The following TSC2 variants were observed in gnomAD, a reference collection of about 807,000 sequenced individuals.
The protein encoded by TSC2 is TSC complex subunit 2.
In TSC2, 29 loss-of-function variants were observed where a neutral mutation model predicts 202.2. The ratio of observed to expected loss-of-function variants is 0.14; its 90% confidence interval spans 0.11 to 0.20. The LOEUF is 0.20. Ranked by LOEUF, TSC2 falls within the 10% of genes least tolerant of loss-of-function variation. The probability of loss-of-function intolerance (pLI) is 1.00; values close to 1 mark genes in which losing one functional copy is unlikely to be tolerated. For synonymous variants in TSC2, 1,349 were observed against 1,044.0 expected (o/e 1.29, Z -5.63); for missense variants, 2,429 against 2,420.0 (o/e 1.00, Z -0.08).
chr16:2,084,202 G>T (rs1439681290), intron 33 of TSC2, 26 bp from the exon 34 acceptor site: 3 of 1,560,890 alleles, frequency 1.9e-6, no homozygotes, highest in South Asian at 1.2e-5. Context: ...GCTGACAGGG[G>T]TTCTCTTTGG....
At position 2,060,538 on chromosome 16, in the gene TSC2, C is replaced by G. The variant is rs373940439; in HGVS notation, c.976-132C>G. 10 of 1,481,660 alleles carry G rather than the reference C, an allele frequency of 6.7e-6. No homozygotes were observed. The African/African-American group carries it at 1.2e-4, about 18-fold the overall frequency. The allele number at this position is 1,481,660 out of a possible 1,614,324, so 91.8% of individuals were successfully genotyped here. On this transcript the variant is annotated intron_variant, in intron 10 of 41. Transcript: ENST00000219476. ...CTGGGCGCCCCACCTGCTGTTTCTG[C>G]GGCCCCTGATAAACGTGTGGTGGGC...
chr16:2,085,049 G>T, intron 35 of TSC2, 23 bp downstream of exon 35: 2 of 1,612,808 alleles, frequency 1.2e-6, no homozygotes, highest in Non-Finnish European at 1.7e-6. Flanking sequence ...TCCCTCTCCT[G>T]CATCCGCTGG....
rs376734223 is a variant in TSC2, at chr16:2,064,231, C to T, written c.1444-41C>T. On this transcript the variant is annotated intron_variant, in intron 14 of 41. Coordinates refer to ENST00000219476, the MANE Select transcript of TSC2 (RefSeq NM_000548.5). ...TGGAAGTGTCACGAGATGTGGCCCT[C>T]GTTGGGCTGGCGCTCATTGGCCTCC... is the stretch of plus-strand genomic sequence containing the variant. 21 of 1,613,524 alleles carry T rather than the reference C, an allele frequency of 1.3e-5. No homozygotes were observed. The African/African-American group carries it at 2.1e-4, about 16-fold the overall frequency.
intron 30 of TSC2, chr16:2,081,120 C>T: frequency 3.9e-6 from 1 of 258,850 alleles, no homozygotes; most frequent in Middle Eastern, 1.5e-3. Flanking sequence ...ACCCAGTCTC[C>T]AGAGACAGTC....
In TSC2 at chr16:2,088,072, G is replaced by A. The variant is rs1267700080; in HGVS notation, c.5093G>A (p.Ser1698Asn). The A allele has an allele frequency of 6.2e-7, 1 of 1,612,804 alleles. No individual in the cohort carries two copies. The highest frequency in any genetic ancestry group is 2.2e-5 in the East Asian group (1 of 44,894). ...RKDMEGLVDT[S>N]VAKIVSDRNL... Reference sequence around the variant, plus strand: ...GACATGGAGGGCCTTGTGGACACCAGCGTGGCCAAGATCGTGTCTGACCGC... The same window carrying A: ...GACATGGAGGGCCTTGTGGACACCAACGTGGCCAAGATCGTGTCTGACCGC... Residue 1698 changes from serine to asparagine, a missense_variant, in exon 40 of 42, where the codon AGC (serine) becomes AAC (asparagine). Physicochemically the swap from Ser to Asn is conservative, Grantham distance 46 (BLOSUM62 1). Transcript: ENST00000219476.
rs137854048 is a variant in TSC2, at chr16:2,088,145, T to TG, written c.5160+11dup. 5 of 1,612,776 alleles carry TG rather than the reference T, an allele frequency of 3.1e-6. No homozygotes were observed. Among genetic ancestry groups the TG allele is most frequent in the Middle Eastern group, 1.6e-4 (1 of 6,062 alleles). On this transcript the variant is annotated splice_region_variant and intron_variant, in intron 40 of 41. Coordinates refer to ENST00000219476, the MANE Select transcript of TSC2 (RefSeq NM_000548.5). ...AGATGGCCCTGCACGCAAATGTGAGTGGGGGTGGGTCCAGGCGTGAGCTGG... is the reference window on the plus strand; with the variant it reads ...AGATGGCCCTGCACGCAAATGTGAGTGGGGGGTGGGTCCAGGCGTGAGCTGG...
rs1196159945 is a variant in TSC2 at position 2,088,877 on chromosome 16, GCGCGCA to G, written c.*269_*274del. ...CCATACAGCACACTCGCGCGTGCGC[GCGCGCA>G]CACACACACACACACAGTCACCTTC... On this transcript the variant is annotated 3_prime_UTR_variant, in exon 42 of 42. Coordinates refer to ENST00000219476, the MANE Select transcript of TSC2 (RefSeq NM_000548.5). 7 of 482,030 alleles carry G rather than the reference GCGCGCA, an allele frequency of 1.5e-5. No individual in the cohort carries two copies. The African/African-American group carries it at 1.7e-4, about 12-fold the overall frequency. 29.9% of individuals were successfully genotyped at this position (482,030 alleles called of 1,614,324 possible).
intron 4 of TSC2, 132 bp downstream of exon 4, chr16:2,053,584 G>C (rs1238521065): frequency 1.1e-6 from 1 of 923,800 alleles, no homozygotes; most frequent in Admixed American, 2.0e-5. Flanking sequence ...ATGGGCTCTG[G>C]AGCTGGATGG....
chr16:2,068,320 G>A (rs967193637), intron 16 of TSC2, among the ~76,000 whole-genome samples: 5 of 152,168 alleles, frequency 3.3e-5, no homozygotes, highest in Non-Finnish European at 4.4e-5. Context: ...GATTACAGGC[G>A]TGAGCCATCG....
In TSC2 at chr16:2,065,641, T is replaced by C; in HGVS notation, c.1716+6T>C. The stretch of plus-strand genomic sequence containing the variant: ...GGCTTCTGGTCATCCTTCAGGTGGG[T>C]GTTCTGCACGAGGCCTCTGCTCCCG... On this transcript the variant is annotated splice_donor_region_variant and intron_variant, in intron 16 of 41. Transcript: ENST00000219476. 1 of 1,612,754 alleles carries C rather than the reference T, an allele frequency of 6.2e-7. No individual in the cohort carries two copies. Among genetic ancestry groups the C allele is most frequent in the Non-Finnish European group, 8.5e-7 (1 of 1,179,382 alleles).
chr16:2,060,426 G>A (rs762222190), intron 10 of TSC2, among the ~76,000 whole-genome samples: 7 of 152,236 alleles, frequency 4.6e-5, no homozygotes, highest in Non-Finnish European at 5.9e-5. Context: ...TCAGTTGCTG[G>A]TCTGTCCGAG....
At chr16:2,077,229 G>A (rs977142046) in intron 25 of TSC2, among the ~76,000 whole-genome samples, 1 of 152,188 alleles carries the variant, frequency 6.6e-6, no homozygotes, top group African/African-American at 2.4e-5. Context: ...GTGCCGCCTC[G>A]GTCAGAGCTG....
At position 2,070,368 on chromosome 16, in the gene TSC2, C is replaced by T. The variant is rs559005450; in HGVS notation, c.1717-88C>T. ...TGAAGCACGCACTCTAGAGCAGCCGCCCCGGCCCCTGCTCCGGGACAAGGG... is the reference window on the plus strand; with the variant it reads ...TGAAGCACGCACTCTAGAGCAGCCGTCCCGGCCCCTGCTCCGGGACAAGGG... On this transcript the variant is annotated intron_variant, in intron 16 of 41. Coordinates refer to ENST00000219476, the MANE Select transcript of TSC2 (RefSeq NM_000548.5). 6.3e-5 allele frequency: 102 copies of T among 1,609,764 alleles called. No individual in the cohort carries two copies. The South Asian group carries it at 7.9e-4, about 13-fold the overall frequency.
intron 38 of TSC2, 141 bp from the exon 39 acceptor site, chr16:2,087,722 C>T: frequency 2.8e-6 from 3 of 1,068,996 alleles, no homozygotes; most frequent in Non-Finnish European, 2.8e-6. Context: ...ACAAACACAG[C>T]CCCGCTGCCA....
At chr16:2,053,294 G>T (rs1224651389) in intron 3 of TSC2, 48 bp from the exon 4 acceptor site, 6 of 1,540,288 alleles carry the variant, frequency 3.9e-6, no homozygotes, top group Admixed American at 2.0e-5. Context: ...CCGGGGCCAG[G>T]GTTCTTGGAG....
intron 19 of TSC2, 39 bp from the exon 20 acceptor site, chr16:2,072,202 G>A (rs775244556): frequency 6.2e-7 from 1 of 1,613,032 alleles, no homozygotes. Flanking sequence ...TGTCTCTAGG[G>A]TCCAGAAGGC....
chr16:2,070,617 C>T (rs1449286380), intron 17 of TSC2, 39 bp downstream of exon 17: 4 of 1,612,328 alleles, frequency 2.5e-6, no homozygotes, highest in South Asian at 1.1e-5. Flanking sequence ...TCCTGGGGGC[C>T]CAGCCAGGTA....
At chr16:2,060,613 C>T (rs866296390) in intron 10 of TSC2, 57 bp from the exon 11 acceptor site, 13 of 1,612,272 alleles carry the variant, frequency 8.1e-6, no homozygotes, top group African/African-American at 8.0e-5. Context: ...ACTGGGAGGG[C>T]GTCCCACAGC....
At position 2,064,441 on chromosome 16, in the gene TSC2, T is replaced by C. The variant is rs2087038956; in HGVS notation, c.1599+14T>C. 1.9e-6 allele frequency: 3 copies of C among 1,612,926 alleles called. No individual in the cohort carries two copies. Among genetic ancestry groups the C allele is most frequent in the Non-Finnish European group, 2.5e-6 (3 of 1,180,006 alleles). On this transcript the variant is annotated intron_variant, in intron 15 of 41. Transcript: ENST00000219476. ...ATCATCGAGAAGGTGAGAGCCGTTG[T>C]ACCCGGGGCCGGGTGCTAGCGTGCC...
Sources: gnomAD v4.1 joint callset for allele counts (sites outside exome capture counted in the v4.1 genomes callset) on GRCh38, gnomAD v4.1.1 for gene constraint, MANE v1.5 for transcripts, NCBI Gene and HGNC (gene_info 2026-07-23, HGNC 2026-07-21) for gene names.